Variants in DZIP3 observed in about 807,000 individuals in gnomAD.
DZIP3 encodes the protein E3 ubiquitin-protein ligase DZIP3.
Under a neutral mutation model 162.0 loss-of-function variants are expected in DZIP3, and 118 were observed. The ratio of observed to expected loss-of-function variants is 0.73; its 90% CI spans 0.63 to 0.85. DZIP3 has a LOEUF of 0.85. DZIP3 is among the 40% of genes least tolerant of loss of function. The pLI is 0.00. For missense variants in DZIP3, 1,331 were observed against 1,407.0 expected (o/e 0.95, Z 0.86); for synonymous variants, 438 against 458.6 (o/e 0.96, Z 0.57).
intron 8 of DZIP3, among the ~76,000 whole-genome samples, chr3:108,631,055 A>ACTCT (rs1270598841): frequency 0.023 from 409 of 17,962 alleles, 41 homozygotes; most frequent in East Asian, 0.16. Context: ...ACACACACAC[A>ACTCT]CTCTCTCTCT....
chr3:108,625,604 C>T (rs1008368621), intron 6 of DZIP3, among the ~76,000 whole-genome samples: 4 of 152,038 alleles, frequency 2.6e-5, no homozygotes, highest in African/African-American at 9.7e-5. Context: ...TTAATATTCA[C>T]TTTGAAATAT....
At chr3:108,607,564 A>G (rs374317902) in intron 2 of DZIP3, among the ~76,000 whole-genome samples, 19 of 152,294 alleles carry the variant, frequency 1.2e-4, no homozygotes, top group East Asian at 1.2e-3. Context: ...ATTTTGAGCT[A>G]AGGTTAAAAG....
chr3:108,686,415 T>C, intron 27 of DZIP3, 30 bp from the exon 28 acceptor site: 2 of 1,512,816 alleles, frequency 1.3e-6, no homozygotes, highest in Non-Finnish European at 1.8e-6. Flanking sequence ...TAATTAAACC[T>C]GCTGGGCTAT....
chr3:108,662,969 TAGGG>T (rs1943507867), intron 21 of DZIP3, among the ~76,000 whole-genome samples: 1 of 152,176 alleles, frequency 6.6e-6, no homozygotes, highest in Admixed American at 6.5e-5. Flanking sequence ...AGAATGCTGA[TAGGG>T]AGAATAGAAA....
rs1458822842 is a variant in DZIP3, at chr3:108,593,668, ATTTC to A, written c.-73+3837_-73+3840del. The stretch of plus-strand genomic sequence containing the variant: ...TGGTAGAAATTTAGCAAATATTTGA[ATTTC>A]TTTCTTTTTTTTTTTTTTTTTTTAA... On this transcript the variant is annotated intron_variant, in intron 1 of 32. Transcript: ENST00000361582. 3.5e-5 allele frequency among the ~76,000 whole-genome samples: 5 copies of A among 144,438 alleles called. No homozygotes were observed. The South Asian group carries it at 6.7e-4, about 19-fold the overall frequency. 94.8% of individuals were successfully genotyped at this position (144,438 alleles called of 152,430 possible).
At position 108,620,592 on chromosome 3, in the gene DZIP3, C is replaced by T. The variant is rs55955227; in HGVS notation, c.376-3852C>T. 9.5e-3 allele frequency among the ~76,000 whole-genome samples: 1,443 copies of T among 152,300 alleles called. 21 individuals are homozygous for T. Among genetic ancestry groups the T allele is most frequent in the South Asian group, 0.013 (63 of 4,826 alleles). ...AGAACTATTCCACCACCACAAAAAT[C>T]TCTCTTATGACTTTTATGGTCACAC... On this transcript the variant is annotated intron_variant, in intron 5 of 32. Transcript: ENST00000361582.
chr3:108,661,736 G>T, intron 19 of DZIP3, 141 bp from the exon 20 acceptor site: 1 of 594,516 alleles, frequency 1.7e-6, no homozygotes, highest in Non-Finnish European at 3.0e-6. Context: ...GTAATTGAGG[G>T]GAGGTGGGTT....
chr3:108,610,375 A>G (rs1940635518), intron 3 of DZIP3, among the ~76,000 whole-genome samples: 1 of 152,190 alleles, frequency 6.6e-6, no homozygotes, highest in South Asian at 2.1e-4. Context: ...AGGGGAGAGA[A>G]GGGCAAAACA....
rs1338605273 is a variant in DZIP3 at position 108,675,644 on chromosome 3, T to A, written c.2694-142T>A. 27 of 560,310 alleles carry A rather than the reference T, an allele frequency of 4.8e-5. No individual in the cohort carries two copies. The South Asian group carries it at 6.0e-4, about 13-fold the overall frequency. The allele number at this position is 560,310 out of a possible 1,614,324, so 34.7% of individuals were successfully genotyped here. A position where few individuals can be genotyped will look rare whatever the true frequency, so the allele number is the denominator to read the frequency against. On this transcript the variant is annotated intron_variant, in intron 24 of 32. Transcript: ENST00000361582. ...TAACAAACCTGTCCATACCTCTTTA[T>A]GTCCATTTGAAGTAATTGTTGGTGA...
chr3:108,688,716 T>C lies in DZIP3; in HGVS notation c.3394T>C (p.Trp1132Arg), dbSNP rs561252711. Residue 1132 changes from tryptophan (W) to arginine (R), a missense_variant, in exon 30 of 33, where the codon TGG becomes CGG. Coordinates refer to ENST00000361582, the MANE Select transcript of DZIP3 (RefSeq NM_014648.4). The part of the protein sequence containing the change: ...RPLTSQGPAT[W>R]EGASNPDEEE... Reference sequence around the variant, plus strand: ...ACTCACTTCACAGGGTCCTGCCACATGGGAAGGAGCCAGTAATCCAGTGAG... The same window carrying C: ...ACTCACTTCACAGGGTCCTGCCACACGGGAAGGAGCCAGTAATCCAGTGAG... 2 of 1,614,038 alleles carry C rather than the reference T, an allele frequency of 1.2e-6. No individual in the cohort carries two copies. Among genetic ancestry groups the C allele is most frequent in the South Asian group, 1.1e-5 (1 of 91,052 alleles).
intron 2 of DZIP3, among the ~76,000 whole-genome samples, chr3:108,607,623 A>G (rs987434317): frequency 1.3e-5 from 2 of 152,190 alleles, no homozygotes; most frequent in Non-Finnish European, 2.9e-5. Flanking sequence ...TCTAAATATG[A>G]TACTTTTCCT....
chr3:108,602,276 TAA>T (rs944483282), intron 1 of DZIP3, among the ~76,000 whole-genome samples: 1 of 151,928 alleles, frequency 6.6e-6, no homozygotes, highest in Non-Finnish European at 1.5e-5. Flanking sequence ...CCTTTACAAC[TAA>T]AAAAAATTGT....
intron 22 of DZIP3, among the ~76,000 whole-genome samples, chr3:108,670,279 A>C (rs1280772108): frequency 6.6e-6 from 1 of 151,906 alleles, no homozygotes; most frequent in African/African-American, 2.4e-5. Context: ...AAAGAAACCC[A>C]TTAGATGTCA....
At chr3:108,627,600 A>T (rs1309025824) in intron 7 of DZIP3, among the ~76,000 whole-genome samples, 1 of 152,156 alleles carries the variant, frequency 6.6e-6, no homozygotes, top group Non-Finnish European at 1.5e-5. Flanking sequence ...TCTTCTCAGC[A>T]CCATATTAGG....
chr3:108,646,845 A>C (rs969765317), intron 15 of DZIP3, among the ~76,000 whole-genome samples, 196 bp downstream of exon 15: 1 of 152,146 alleles, frequency 6.6e-6, no homozygotes, highest in Admixed American at 6.5e-5. Flanking sequence ...GATCGAGACC[A>C]TCTTGGCCAA....
chr3:108,657,602 TAACATCATAATGACAGG>T lies in DZIP3; in HGVS notation c.2199+3294_2199+3310del, dbSNP rs892835504. ...TCAACTAACGAGCAAAATAACCAGC[TAACATCATAATGACAGG>T]ATCAAATTCACACATAACAATATTA... On this transcript the variant is annotated intron_variant, in intron 19 of 32. Coordinates refer to ENST00000361582, the MANE Select transcript of DZIP3 (RefSeq NM_014648.4). 6.2e-4 allele frequency among the ~76,000 whole-genome samples: 95 copies of T among 152,008 alleles called. 1 individual carries two copies. The East Asian group carries it at 0.018, about 29-fold the overall frequency.
rs149230651 is a variant in DZIP3 at position 108,629,135 on chromosome 3, A to G, written c.655A>G (p.Ile219Val). 7.2e-5 allele frequency: 116 copies of G among 1,601,082 alleles called. No homozygotes were observed. In the African/African-American group the frequency reaches 1.2e-3, roughly 17 times the overall value. Residue 219 changes from isoleucine to valine, a missense_variant, in exon 8 of 33, where the codon ATA (isoleucine) becomes GTA (valine). Ile to Val is a conservative substitution (Grantham distance 29). This residue lies in a region of DZIP3 where 1,278 missense variants were observed against 1,317.1 expected (regional missense o/e 0.97). Transcript: ENST00000361582. The stretch of plus-strand genomic sequence containing the variant: ...AGACAAAAATGACCATTGGTTTGAC[A>G]TAGATCCTACAGAAGATGAAGATTT... ...IGDKNDHWFD[I>V]DPTEDEDLPT...
At chr3:108,601,091 T>C (rs535085138) in intron 1 of DZIP3, among the ~76,000 whole-genome samples, 4 of 152,316 alleles carry the variant, frequency 2.6e-5, no homozygotes, top group Non-Finnish European at 2.9e-5. Flanking sequence ...GATGGTCTTA[T>C]TTTTCTTCCC....
At chr3:108,590,257 T>G (rs910992509) in intron 1 of DZIP3, among the ~76,000 whole-genome samples, 23 of 152,246 alleles carry the variant, frequency 1.5e-4, no homozygotes, top group African/African-American at 5.3e-4. Context: ...TTTGGAGCTT[T>G]TTGCTTAATA....
Sources: gnomAD v4.1 joint callset for allele counts (sites outside exome capture counted in the v4.1 genomes callset) on GRCh38, gnomAD v4.1.1 for gene constraint, gnomAD v4.1.1 regional missense constraint, MANE v1.5 for transcripts, NCBI Gene and HGNC (gene_info 2026-07-23, HGNC 2026-07-21) for gene names.